KALRN: variants seen among roughly 807,000 people sequenced by gnomAD.
The protein encoded by KALRN is kalirin RhoGEF kinase.
A neutral mutation model predicts 353.7 loss-of-function variants in KALRN; 70 were observed. That is an observed-to-expected ratio of 0.20 (90% confidence interval 0.16 to 0.24). The LOEUF (loss-of-function observed/expected upper bound fraction) is 0.24, where lower values mean the gene tolerates loss of function less well. KALRN is among the 10% of genes least tolerant of loss of function. The pLI, the probability that KALRN is intolerant of heterozygous loss-of-function variation, is 1.00. For missense variants in KALRN, 2,791 were observed against 3,756.7 expected, an observed-to-expected ratio of 0.74 and a Z score of 6.72; for synonymous variants, 1,391 against 1,434.8, an observed-to-expected ratio of 0.97 and a Z score of 0.69.
intron 6 of KALRN, among the ~76,000 whole-genome samples, chr3:124,302,493 T>C (rs1467307762): frequency 6.6e-6 from 1 of 152,188 alleles, no homozygotes; most frequent in African/African-American, 2.4e-5. Context: ...ACCAAAGAAC[T>C]TATAATTTAA....
intron 10 of KALRN, among the ~76,000 whole-genome samples, chr3:124,375,461 C>G (rs2086463421): frequency 6.6e-6 from 1 of 152,182 alleles, no homozygotes; most frequent in Non-Finnish European, 1.5e-5. Flanking sequence ...GCTTACAGCC[C>G]TGACTCTGCC....
At chr3:124,691,199 C>G (rs1279484134) in intron 51 of KALRN, among the ~76,000 whole-genome samples, 3 of 152,150 alleles carry the variant, frequency 2.0e-5, no homozygotes, top group African/African-American at 7.2e-5. Context: ...GAGGCCGAGG[C>G]AGGCGGATCA....
At chr3:124,559,804 T>C (rs2071728725) in intron 33 of KALRN, among the ~76,000 whole-genome samples, 1 of 152,200 alleles carries the variant, frequency 6.6e-6, no homozygotes, top group Admixed American at 6.5e-5. Context: ...AATTCGCTTC[T>C]TGCCAGGGTA....
At chr3:124,100,418 A>G (rs1372403422) in intron 1 of KALRN, 1 of 152,198 alleles carries the variant, frequency 6.6e-6, no homozygotes, top group East Asian at 1.9e-4. Context: ...TGGGAAAAGG[A>G]CATCCTTTTC....
At chr3:124,581,649 A>G (rs1282084468) in intron 34 of KALRN, among the ~76,000 whole-genome samples, 2 of 152,214 alleles carry the variant, frequency 1.3e-5, no homozygotes, top group Non-Finnish European at 1.5e-5. Flanking sequence ...GTTATTCCCC[A>G]TGAAATTTTG....
intron 23 of KALRN, among the ~76,000 whole-genome samples, chr3:124,460,944 A>G (rs2059801120): frequency 6.6e-6 from 1 of 152,194 alleles, no homozygotes; most frequent in South Asian, 2.1e-4. Flanking sequence ...GCAGTCACTT[A>G]TTACTAATTT....
chr3:124,298,763 T>C (rs1199485406), intron 5 of KALRN, 28 bp from the exon 6 acceptor site: 2 of 1,613,816 alleles, frequency 1.2e-6, no homozygotes, highest in Non-Finnish European at 1.7e-6. Context: ...ACCATTCTGA[T>C]TATGCTGTGC....
chr3:124,472,839 A>G (rs1352034175), intron 25 of KALRN, among the ~76,000 whole-genome samples: 2 of 152,192 alleles, frequency 1.3e-5, no homozygotes, highest in Non-Finnish European at 2.9e-5. Flanking sequence ...TTTGAGCACT[A>G]CATATTTGCA....
At chr3:124,476,665 A>G (rs2061452934) in intron 26 of KALRN, among the ~76,000 whole-genome samples, 1 of 152,140 alleles carries the variant, frequency 6.6e-6, no homozygotes, top group Non-Finnish European at 1.5e-5. Context: ...GCTTGAAGCA[A>G]CAATCTAGTT....
chr3:124,539,025 G>T (rs991001151), intron 33 of KALRN, among the ~76,000 whole-genome samples: 1 of 152,152 alleles, frequency 6.6e-6, no homozygotes, highest in Non-Finnish European at 1.5e-5. Context: ...TGCCTGGGGG[G>T]CTGGTGCAGA....
chr3:124,690,797 C>T (rs1473472214), intron 51 of KALRN, among the ~76,000 whole-genome samples: 1 of 152,162 alleles, frequency 6.6e-6, no homozygotes, highest in Non-Finnish European at 1.5e-5. Context: ...TCAAGTAATC[C>T]GCCCGCCTGG....
chr3:124,447,143 T>C (rs593991), intron 21 of KALRN, among the ~76,000 whole-genome samples: 60,338 of 152,014 alleles, frequency 0.4, 12,241 homozygotes, highest in African/African-American at 0.45. Flanking sequence ...TCTTCATGCT[T>C]CAGGTTCTGG....
chr3:124,139,054 G>A (rs1378337399), intron 1 of KALRN, among the ~76,000 whole-genome samples: 1 of 152,174 alleles, frequency 6.6e-6, no homozygotes, highest in Non-Finnish European at 1.5e-5. Context: ...TGCAGCAGGA[G>A]GCTGGGGAAG....
intron 22 of KALRN, 130 bp from the exon 23 acceptor site, chr3:124,456,480 T>C: frequency 1.7e-6 from 1 of 583,032 alleles, no homozygotes; most frequent in Non-Finnish European, 3.2e-6. Flanking sequence ...GGTATGAGTC[T>C]GTAAGATCCC....
chr3:124,432,212 C>A (rs1173789310), intron 16 of KALRN, among the ~76,000 whole-genome samples: 1 of 152,014 alleles, frequency 6.6e-6, no homozygotes, highest in African/African-American at 2.4e-5. Flanking sequence ...GAGTTCAAGA[C>A]CAGCCTGGCC....
At chr3:124,702,987 G>A (rs939371406) in intron 57 of KALRN, among the ~76,000 whole-genome samples, 14 of 152,204 alleles carry the variant, frequency 9.2e-5, no homozygotes, top group African/African-American at 3.1e-4. Context: ...CAGGTGGTCT[G>A]TGTGAGGGAA....
At chr3:124,700,892 C>T (rs998753697) in intron 56 of KALRN, among the ~76,000 whole-genome samples, 1 of 152,314 alleles carries the variant, frequency 6.6e-6, no homozygotes, top group African/African-American at 2.4e-5. Flanking sequence ...ACAGTCAGCC[C>T]GGTTTTCTCC....
At chr3:124,118,319 G>A (rs1483509007) in intron 1 of KALRN, among the ~76,000 whole-genome samples, 1 of 152,162 alleles carries the variant, frequency 6.6e-6, no homozygotes, top group Non-Finnish European at 1.5e-5. Flanking sequence ...TCTTGGGGCC[G>A]ATGGGGGTGT....
At chr3:124,587,698 CTTT>C (rs529810541) in intron 34 of KALRN, among the ~76,000 whole-genome samples, 2,020 of 75,202 alleles carry the variant, frequency 0.027, 3 homozygotes, top group East Asian at 0.064. Context: ...CCACCCTCCA[CTTT>C]TTTTTTTTTT....
Sources: allele counts gnomAD v4.1 joint callset (sites outside exome capture counted in the v4.1 genomes callset), GRCh38; gene constraint gnomAD v4.1.1; transcripts MANE v1.5; gene names NCBI Gene and HGNC (gene_info 2026-07-23, HGNC 2026-07-21).